The following KCND3 variants were observed in gnomAD, a reference collection of about 807,000 sequenced individuals.
KCND3 encodes the protein A-type voltage-gated potassium channel KCND3.
In KCND3, 9 loss-of-function variants were observed where a neutral mutation model predicts 51.1. That is an observed-to-expected ratio of 0.18 (90% CI 0.11 to 0.31). KCND3 has a LOEUF of 0.31. Among genes scored for constraint, KCND3 ranks in the 10% least tolerant of loss-of-function variants. The pLI is 1.00. For synonymous variants in KCND3, 349 were observed against 368.0 expected (o/e 0.95, Z 0.59); for missense variants, 526 against 903.8 (o/e 0.58, Z 5.36).
At chr1:111,782,171 C>T (rs1571629024) in intron 3 of KCND3, among the ~76,000 whole-genome samples, 1 of 152,244 alleles carries the variant, frequency 6.6e-6, no homozygotes. Flanking sequence ...CCCCAAGTGT[C>T]CTGCTGGGCT....
intron 2 of KCND3, among the ~76,000 whole-genome samples, chr1:111,939,541 C>A (rs1672389316): frequency 1.3e-5 from 2 of 152,166 alleles, no homozygotes; most frequent in Non-Finnish European, 2.9e-5. Context: ...CATGTCCCTG[C>A]AAAGGACATG....
intron 2 of KCND3, among the ~76,000 whole-genome samples, chr1:111,818,669 C>T (rs80189279): frequency 0.018 from 2,699 of 152,276 alleles, 70 homozygotes; most frequent in African/African-American, 0.06. Context: ...TCTATTGTCC[C>T]CTGAGTTTCC....
chr1:111,847,337 C>G (rs1667598774), intron 2 of KCND3, among the ~76,000 whole-genome samples: 1 of 152,020 alleles, frequency 6.6e-6, no homozygotes, highest in South Asian at 2.1e-4. Flanking sequence ...GGAGGAAAAG[C>G]GTGTGAGTGT....
chr1:111,874,078 C>T (rs1488982300), intron 2 of KCND3, among the ~76,000 whole-genome samples: 1 of 152,216 alleles, frequency 6.6e-6, no homozygotes, highest in African/African-American at 2.4e-5. Flanking sequence ...CAGCCTGACC[C>T]AGCCATTAAT....
chr1:111,906,098 T>C (rs1307192897), intron 2 of KCND3, among the ~76,000 whole-genome samples: 1 of 152,244 alleles, frequency 6.6e-6, no homozygotes, highest in East Asian at 1.9e-4. Context: ...GAGTAGCCAC[T>C]GGAGTCCCAT....
chr1:111,945,855 C>T (rs1417826776), intron 2 of KCND3, among the ~76,000 whole-genome samples: 2 of 152,210 alleles, frequency 1.3e-5, no homozygotes, highest in East Asian at 3.9e-4. Flanking sequence ...ACTGGCCCTG[C>T]AGCCTGTCTC....
chr1:111,776,322 G>A (rs1299587209), intron 7 of KCND3, 44 bp from the exon 8 acceptor site: 1 of 1,575,246 alleles, frequency 6.3e-7, no homozygotes, highest in Middle Eastern at 1.7e-4. Flanking sequence ...CTGCTGGCCA[G>A]CGTCCCAAAG....
At chr1:111,895,723 G>T (rs982814960) in intron 2 of KCND3, among the ~76,000 whole-genome samples, 2 of 152,240 alleles carry the variant, frequency 1.3e-5, no homozygotes, top group Non-Finnish European at 2.9e-5. Flanking sequence ...GGAGTGGAGG[G>T]GGCCAGGGGG....
At chr1:111,955,423 C>A (rs1366060351) in intron 2 of KCND3, among the ~76,000 whole-genome samples, 1 of 152,136 alleles carries the variant, frequency 6.6e-6, no homozygotes, top group Non-Finnish European at 1.5e-5. Context: ...CAAACAACAA[C>A]AACAGCAACA....
rs564038423 is a variant in KCND3, at chr1:111,828,450, G to A, written c.1107-41344C>T. Among the ~76,000 whole-genome samples, 53 of 152,256 alleles carry A rather than the reference G, an allele frequency of 3.5e-4. 1 individual carries two copies. Among genetic ancestry groups the A allele is most frequent in the African/African-American group, 8.9e-4 (37 of 41,544 alleles). On this transcript the variant is annotated intron_variant, in intron 2 of 7. Coordinates refer to ENST00000302127, the MANE Select transcript of KCND3 (RefSeq NM_001378969.1). ...CAACTGCATCTCCCATTAGTCACCA[G>A]TGCAAACCCTTTGCCCTAGTTAGGC...
At chr1:111,975,100 G>T (rs554360172) in intron 2 of KCND3, among the ~76,000 whole-genome samples, 1 of 152,326 alleles carries the variant, frequency 6.6e-6, no homozygotes, top group South Asian at 2.1e-4. Context: ...CCTCCTCATG[G>T]CAGGGATAAC....
At chr1:111,886,289 T>C (rs1314519129) in intron 2 of KCND3, among the ~76,000 whole-genome samples, 1 of 152,198 alleles carries the variant, frequency 6.6e-6, no homozygotes, top group Non-Finnish European at 1.5e-5. Context: ...CATTGTACTC[T>C]GGGCAGGTCA....
intron 2 of KCND3, among the ~76,000 whole-genome samples, chr1:111,980,574 G>A (rs1048593137): frequency 5.9e-5 from 9 of 152,070 alleles, no homozygotes. Flanking sequence ...TTCTCCATCA[G>A]CAATATAACG....
intron 2 of KCND3, among the ~76,000 whole-genome samples, chr1:111,804,320 G>A (rs1665462115): frequency 6.6e-6 from 1 of 152,232 alleles, no homozygotes; most frequent in Non-Finnish European, 1.5e-5. Context: ...GAAAGAGGCA[G>A]GTGGTCTTAG....
intron 2 of KCND3, among the ~76,000 whole-genome samples, chr1:111,814,838 T>C (rs1666013123): frequency 6.6e-6 from 1 of 152,244 alleles, no homozygotes; most frequent in South Asian, 2.1e-4. Flanking sequence ...ACAGCTCTGC[T>C]GTTCTAGGCA....
At chr1:111,821,993 C>G (rs1666370052) in intron 2 of KCND3, among the ~76,000 whole-genome samples, 1 of 152,088 alleles carries the variant, frequency 6.6e-6, no homozygotes, top group Admixed American at 6.5e-5. Flanking sequence ...CTGGGATTTC[C>G]CCTTAAGGAT....
At position 111,970,372 on chromosome 1, in the gene KCND3, T is replaced by C. The variant is rs189122759; in HGVS notation, c.1106+11249A>G. Reference sequence around the variant, plus strand: ...TTTGCCTGTTCTGTTCACAGATACGTCTTTGGCCTCCAGCATGATGCCTGT... The same window carrying C: ...TTTGCCTGTTCTGTTCACAGATACGCCTTTGGCCTCCAGCATGATGCCTGT... On this transcript the variant is annotated intron_variant, in intron 2 of 7. Coordinates refer to ENST00000302127, the MANE Select transcript of KCND3 (RefSeq NM_001378969.1). 2.0e-5 allele frequency among the ~76,000 whole-genome samples: 3 copies of C among 152,250 alleles called. No individual in the cohort carries two copies. The South Asian group carries it at 6.2e-4, about 31-fold the overall frequency.
chr1:111,808,723 T>C (rs1571671665), intron 2 of KCND3, among the ~76,000 whole-genome samples: 1 of 152,176 alleles, frequency 6.6e-6, no homozygotes, highest in Admixed American at 6.5e-5. Context: ...ACAAAGTTGG[T>C]GAGGGGAAGT....
At chr1:111,803,523 A>G (rs548490373) in intron 2 of KCND3, among the ~76,000 whole-genome samples, 1 of 152,186 alleles carries the variant, frequency 6.6e-6, no homozygotes, top group South Asian at 2.1e-4. Context: ...CCCCACATGG[A>G]CACATCACTT....
Sources: allele counts gnomAD v4.1 joint callset (sites outside exome capture counted in the v4.1 genomes callset), GRCh38; gene constraint gnomAD v4.1.1; transcripts MANE v1.5; gene names NCBI Gene and HGNC (gene_info 2026-07-23, HGNC 2026-07-21).